Variants in ARHGAP27 observed in about 807,000 individuals in gnomAD.
ARHGAP27 encodes the protein Rho GTPase activating protein 27.
Under a neutral mutation model 102.0 loss-of-function variants are expected in ARHGAP27, and 53 were observed. The ratio of observed to expected loss-of-function variants is 0.52; its 90% CI spans 0.42 to 0.65. The LOEUF is 0.65. Among genes scored for constraint, ARHGAP27 ranks in the 30% least tolerant of loss-of-function variants. The pLI, the probability that ARHGAP27 is intolerant of heterozygous loss-of-function variation, is 0.00. For synonymous variants in ARHGAP27, 525 were observed against 542.8 expected (o/e 0.97, Z 0.46); for missense variants, 1,117 against 1,256.2 (o/e 0.89, Z 1.68).
chr17:45,403,628 T>C lies in ARHGAP27; in HGVS notation c.1629A>G (p.Ala543=). Residue 543 remains alanine (A), a synonymous_variant, in exon 11 of 20, where the codon GCA becomes GCG. Transcript: ENST00000685559. ...TFFKDSKTSA[A]GGLRQPSKFS... Reference sequence around the variant, plus strand: ...GAGGGCCTGGCCTTACCAGGCCGCCTGCAGCCGAGGTCTTTGAGTCCTTGA... The same window carrying C: ...GAGGGCCTGGCCTTACCAGGCCGCCCGCAGCCGAGGTCTTTGAGTCCTTGA... The C allele has an allele frequency of 1.2e-6, 2 of 1,613,838 alleles. No individual in the cohort carries two copies. Among genetic ancestry groups the C allele is most frequent in the Non-Finnish European group, 1.7e-6 (2 of 1,179,952 alleles).
chr17:45,429,190 TG>T (rs2049859619), intron 4 of ARHGAP27, among the ~76,000 whole-genome samples: 2 of 152,256 alleles, frequency 1.3e-5, no homozygotes, highest in South Asian at 4.1e-4. Context: ...ACAGAACAGC[TG>T]GGACTTGGAA....
intron 4 of ARHGAP27, among the ~76,000 whole-genome samples, chr17:45,426,692 A>T (rs2049638925): frequency 6.7e-6 from 1 of 148,456 alleles, no homozygotes; most frequent in Admixed American, 6.7e-5. Flanking sequence ...TCTCCTGCCC[A>T]CCCACCTGAG....
rs750942407 is a variant in ARHGAP27 at position 45,429,656 on chromosome 17, C to T, written c.624G>A (p.Leu208=). ...SENVYEVIQD[L]HVPPPEESAE... is the part of the protein sequence containing the mutation. ...CGCTCTCCTCCGGCGGCGGGACGTG[C>T]AAGTCCTGGATGACCTCGTAGACGT... The change falls in exon 4 of 20, where the codon TTG becomes TTA. Residue 208 remains leucine, a synonymous_variant. Coordinates refer to ENST00000685559, the MANE Select transcript of ARHGAP27 (RefSeq NM_001282290.2). The T allele has an allele frequency of 2.5e-6, 4 of 1,581,320 alleles. No individual in the cohort carries two copies. The South Asian group carries it at 3.4e-5, about 14-fold the overall frequency.
Position 45,393,979 on chromosome 17 carries a change from G to A in ARHGAP27, c.*1477C>T, listed in dbSNP as rs1273945038. The A allele has an allele frequency of 1.3e-5, 2 of 152,600 alleles. No homozygotes were observed. The highest frequency in any genetic ancestry group is 4.8e-5 in the African/African-American group (2 of 41,434). The allele number at this position is 152,600 out of a possible 1,614,324, so 9.5% of individuals were successfully genotyped here. A position where few individuals can be genotyped will look rare whatever the true frequency, so the allele number is the denominator to read the frequency against. On this transcript the variant is annotated 3_prime_UTR_variant, in exon 20 of 20. Transcript: ENST00000685559. ...TAACTTTTAAATATTTAGACATATG[G>A]TATGAGGCCCCTGTGTGTACTCTTG...
At chr17:45,419,452 T>A (rs1315719973) in intron 4 of ARHGAP27, among the ~76,000 whole-genome samples, 1 of 149,558 alleles carries the variant, frequency 6.7e-6, no homozygotes, top group Non-Finnish European at 1.5e-5. Flanking sequence ...TATGTACATA[T>A]AAATATATAC....
In ARHGAP27 at chr17:45,427,306, C is replaced by T. The variant is rs549642949; in HGVS notation, c.657+2317G>A. ...ACATTCCTGGCAAGGGCCCACGAGGCCCTGCCCGGGTGGGCACCCACTCTC... is the reference window on the plus strand; with the variant it reads ...ACATTCCTGGCAAGGGCCCACGAGGTCCTGCCCGGGTGGGCACCCACTCTC... On this transcript the variant is annotated intron_variant, in intron 4 of 19. Coordinates refer to ENST00000685559, the MANE Select transcript of ARHGAP27 (RefSeq NM_001282290.2). The surrounding 1 kb of genome is among the most constrained non-coding windows in gnomAD (Gnocchi z 4.5). 2.5e-3 allele frequency among the ~76,000 whole-genome samples: 377 copies of T among 152,354 alleles called. 1 individual carries two copies. Among genetic ancestry groups the T allele is most frequent in the Non-Finnish European group, 4.6e-3 (314 of 68,036 alleles).
intron 12 of ARHGAP27, among the ~76,000 whole-genome samples, chr17:45,400,914 A>AATAATCATAATC (rs71136085): frequency 0.016 from 2,389 of 148,034 alleles, 31 homozygotes; most frequent in African/African-American, 0.031. Flanking sequence ...GACTCTGGAT[A>AATAATCATAATC]ATAATCATAA....
At chr17:45,397,535 T>C in intron 13 of ARHGAP27, 1 of 212,774 alleles carries the variant, frequency 4.7e-6, no homozygotes, top group African/African-American at 2.3e-5. Flanking sequence ...AGGTCAGTAG[T>C]TGTCAGAGGG....
rs980284610 is a variant in ARHGAP27 at position 45,395,543 on chromosome 17, C to G, written c.2583G>C (p.Glu861Asp). ...GPTLLRPEVE[E>D]TSMPMTMVFQ... ...ACACCATGGTCATGGGCATGCTGGT[C>G]TCTTCCACCTCGGGCCGCAGCAGCG... Residue 861 changes from glutamate to aspartate, a missense_variant, in exon 20 of 20, where the codon GAG becomes GAC. Transcript: ENST00000685559. 3 of 1,602,900 alleles carry G rather than the reference C, an allele frequency of 1.9e-6. No individual in the cohort carries two copies. Among genetic ancestry groups the G allele is most frequent in the Admixed American group, 1.7e-5 (1 of 58,668 alleles).
At chr17:45,408,494 A>C (rs2047495408) in intron 4 of ARHGAP27, 1 of 152,132 alleles carries the variant, frequency 6.6e-6, no homozygotes, top group Non-Finnish European at 1.5e-5. Context: ...ATCCCAGCCC[A>C]TCAGTTCTTC....
chr17:45,397,010 G>A lies in ARHGAP27; in HGVS notation c.1857C>T (p.Pro619=). 6.2e-7 allele frequency: 1 copy of A among 1,603,564 alleles called. No individual in the cohort carries two copies. Among genetic ancestry groups the A allele is most frequent in the Non-Finnish European group, 8.5e-7 (1 of 1,179,970 alleles). Residue 619 remains proline, a synonymous_variant, in exon 14 of 20, where the codon CCC becomes CCT. Coordinates refer to ENST00000685559, the MANE Select transcript of ARHGAP27 (RefSeq NM_001282290.2). ...CTCTGCTGCTCTCGCTCTCCTCTGG[G>A]GGCAGCTCTGCGGACTGGATTCCCA... ...QGIQELSAEL[P]PEESESSRVD... is the part of the protein sequence containing the mutation.
intron 4 of ARHGAP27, among the ~76,000 whole-genome samples, chr17:45,413,869 G>A (rs754855337): frequency 6.6e-6 from 1 of 152,166 alleles, no homozygotes; most frequent in African/African-American, 2.4e-5. Context: ...ACTTTGGAAG[G>A]CCGAGGCAGG....
chr17:45,396,688 C>T lies in ARHGAP27; in HGVS notation c.2054G>A (p.Arg685Gln), dbSNP rs773338624. The change falls in exon 15 of 20, where the codon CGG (arginine) becomes CAG (glutamine). Residue 685 changes from arginine (R) to glutamine (Q), a missense_variant. Arg to Gln is a conservative substitution (Grantham distance 43). This residue lies in a region of ARHGAP27 where 493 missense variants were observed against 505.5 expected (regional missense o/e 0.98). Coordinates refer to ENST00000685559, the MANE Select transcript of ARHGAP27 (RefSeq NM_001282290.2). ...LQRRPTLQSL[R>Q]EKGYIKDQVF... ...GGTACCTTTGATGTAGCCCTTCTCC[C>T]GCAGCGACTGCAGTGTGGGCCGCCT... The T allele has an allele frequency of 1.9e-6, 3 of 1,613,712 alleles. No individual in the cohort carries two copies. The highest frequency in any genetic ancestry group is 2.2e-5 in the East Asian group (1 of 44,886).
chr17:45,406,045 C>G lies in ARHGAP27; in HGVS notation c.696G>C (p.Glu232Asp). The G allele has an allele frequency of 6.5e-7, 1 of 1,532,752 alleles. No individual in the cohort carries two copies. Among genetic ancestry groups the G allele is most frequent in the Non-Finnish European group, 8.7e-7 (1 of 1,144,624 alleles). 94.9% of individuals were successfully genotyped at this position (1,532,752 alleles called of 1,614,324 possible). The stretch of plus-strand genomic sequence containing the variant: ...CCGGTGAAGTGGCCCGGGGCTGCCT[C>G]TCTATGTTCGCGTACACGGGCTCCG... Reference protein sequence around the residue: ...DPPEPVYANIERQPRATSPGA... With the variant: ...DPPEPVYANIDRQPRATSPGA... The change falls in exon 5 of 20, where the codon GAG becomes GAC. Residue 232 changes from glutamate (E) to aspartate (D), a missense_variant. Physicochemically the swap from Glu to Asp is conservative, Grantham distance 45 (BLOSUM62 2). This residue lies in a region of ARHGAP27 where 610 missense variants were observed against 716.4 expected (regional missense o/e 0.85). Transcript: ENST00000685559.
intron 4 of ARHGAP27, chr17:45,429,420 G>A: frequency 1.4e-6 from 2 of 1,393,358 alleles, no homozygotes; most frequent in Non-Finnish European, 1.9e-6. Context: ...GAGCTTTGGA[G>A]CTTGGGAATT....
At chr17:45,417,819 G>A (rs977517450) in intron 4 of ARHGAP27, among the ~76,000 whole-genome samples, 2 of 151,210 alleles carry the variant, frequency 1.3e-5, no homozygotes, top group Non-Finnish European at 2.9e-5. Context: ...TTTGGGAGGC[G>A]GAGGCGGGTG....
At chr17:45,408,090 G>A (rs1032010052) in intron 4 of ARHGAP27, 1 of 151,288 alleles carries the variant, frequency 6.6e-6, no homozygotes, top group Non-Finnish European at 1.5e-5. Flanking sequence ...CCTGTTCAGG[G>A]TGGTCTCTCC....
chr17:45,414,758 A>C (rs966187769), intron 4 of ARHGAP27, among the ~76,000 whole-genome samples: 1 of 148,240 alleles, frequency 6.7e-6, no homozygotes, highest in Non-Finnish European at 1.5e-5. Flanking sequence ...TGGTCTCTCC[A>C]TCTTAAAAAG....
intron 7 of ARHGAP27, 31 bp downstream of exon 7, chr17:45,404,569 TC>T: frequency 6.2e-7 from 1 of 1,613,712 alleles, no homozygotes; most frequent in Non-Finnish European, 8.5e-7. Flanking sequence ...TCTTCCTCTC[TC>T]CCCAACACCC....
Sources: gnomAD v4.1 joint callset for allele counts (sites outside exome capture counted in the v4.1 genomes callset) on GRCh38, gnomAD v4.1.1 for gene constraint, gnomAD v4.1.1 regional missense constraint, Gnocchi (gnomAD v3.1) non-coding constraint, MANE v1.5 for transcripts, NCBI Gene and HGNC (gene_info 2026-07-23, HGNC 2026-07-21) for gene names.